PRIM2: variants seen among roughly 807,000 people sequenced by gnomAD.
The protein encoded by PRIM2 is DNA primase subunit 2, also known as DNA primase large subunit.
PRIM2 carries 39 observed loss-of-function variants against 67.3 expected under a neutral mutation model. The ratio of observed to expected loss-of-function variants is 0.58; its 90% CI spans 0.45 to 0.76. PRIM2 has a LOEUF of 0.76. Ranked by LOEUF, PRIM2 falls within the 30% of genes least tolerant of loss-of-function variation. The probability of loss-of-function intolerance (pLI) is 0.00; values close to 1 mark genes in which losing one functional copy is unlikely to be tolerated. For synonymous variants in PRIM2, 143 were observed against 198.7 expected, an observed-to-expected ratio of 0.72 and a Z score of 2.36; for missense variants, 398 against 598.7, an observed-to-expected ratio of 0.66 and a Z score of 3.50.
At position 57,327,041 on chromosome 6, in the gene PRIM2, C is replaced by T. The variant is rs550897676; in HGVS notation, c.459+996C>T. 3.2e-4 allele frequency among the ~76,000 whole-genome samples: 48 copies of T among 151,880 alleles called. 1 individual carries two copies. Among genetic ancestry groups the T allele is most frequent in the South Asian group, 1.5e-3 (7 of 4,802 alleles). On this transcript the variant is annotated intron_variant, in intron 5 of 13. Transcript: ENST00000615550. ...GCCTCAGCCTCCTGAGTAGCTGTGACTACAGGTGTGTGCCACCATGCCTGG... is the reference window on the plus strand; with the variant it reads ...GCCTCAGCCTCCTGAGTAGCTGTGATTACAGGTGTGTGCCACCATGCCTGG...
At chr6:57,575,687 T>C (rs1244630493) in intron 10 of PRIM2, among the ~76,000 whole-genome samples, 104 of 152,328 alleles carry the variant, frequency 6.8e-4, no homozygotes, top group African/African-American at 2.5e-3. Context: ...AGTTTTAATA[T>C]TCAGTTTAAT....
At chr6:57,245,182 C>A in the PRIM2 span, among the ~76,000 whole-genome samples, 9 of 152,248 alleles carry the variant, frequency 5.9e-5, no homozygotes, top group Non-Finnish European at 1.2e-4. Context: ...CAGGATGGTC[C>A]CAAGGCATGT....
At chr6:57,236,055 C>T in the PRIM2 span, among the ~76,000 whole-genome samples, 1 of 152,134 alleles carries the variant, frequency 6.6e-6, no homozygotes, top group Non-Finnish European at 1.5e-5. Flanking sequence ...TTTGTGTTGT[C>T]TTAGAGCACT....
chr6:57,469,445 A>G (rs1773285370), intron 7 of PRIM2, among the ~76,000 whole-genome samples: 1 of 152,184 alleles, frequency 6.6e-6, no homozygotes, highest in Non-Finnish European at 1.5e-5. Flanking sequence ...GGAAAATTGA[A>G]CCCTTGATAT....
chr6:57,332,265 G>A (rs1463712095), intron 5 of PRIM2, among the ~76,000 whole-genome samples: 1 of 151,874 alleles, frequency 6.6e-6, no homozygotes, highest in Non-Finnish European at 1.5e-5. Context: ...AAAATTTATT[G>A]AATTTTATTT....
chr6:57,236,922 T>C, the PRIM2 span, among the ~76,000 whole-genome samples: 1 of 151,986 alleles, frequency 6.6e-6, no homozygotes, highest in African/African-American at 2.4e-5. Context: ...ATCCTTTGGG[T>C]AAATACCAGT....
chr6:57,574,675 C>T lies in PRIM2; in HGVS notation c.1021-26418C>T, dbSNP rs1341518811. Among the ~76,000 whole-genome samples, 15 of 150,536 alleles carry T rather than the reference C, an allele frequency of 1.0e-4. No homozygotes were observed. In the East Asian group the frequency reaches 2.5e-3, roughly 25 times the overall value. ...AGCCAGGAAAGAGGGAGACTGAGAC[C>T]GTTGGGGTCTGAAAAGGAGCAAGGA... On this transcript the variant is annotated intron_variant, in intron 10 of 13. Transcript: ENST00000615550.
rs1376293072 is a variant in PRIM2 at position 57,605,413 on chromosome 6, T to A, written c.1148-962T>A. ...TGAATCTACCTGGTCCAGGGCTTTT[T>A]CTGGTTGATAGGTTTTTTATTCCAG... is the stretch of plus-strand genomic sequence containing the variant. On this transcript the variant is annotated intron_variant, in intron 11 of 13. Coordinates refer to ENST00000615550, the MANE Select transcript of PRIM2 (RefSeq NM_000947.5). 1.8e-4 allele frequency among the ~76,000 whole-genome samples: 27 copies of A among 152,302 alleles called. No individual in the cohort carries two copies. The South Asian group carries it at 5.0e-3, about 28-fold the overall frequency.
chr6:57,466,479 A>G (rs549189006), intron 7 of PRIM2, among the ~76,000 whole-genome samples: 1 of 152,186 alleles, frequency 6.6e-6, no homozygotes, highest in Non-Finnish European at 1.5e-5. Flanking sequence ...CCTCTCCAGC[A>G]TCTGTTGTTT....
At chr6:57,612,861 C>T in intron 12 of PRIM2, among the ~76,000 whole-genome samples, 1 of 141,734 alleles carries the variant, frequency 7.1e-6, no homozygotes, top group East Asian at 2.1e-4. Context: ...GTAGTGTGAT[C>T]ATATCTTATT....
At chr6:57,270,346 T>C in the PRIM2 span, among the ~76,000 whole-genome samples, 6 of 152,278 alleles carry the variant, frequency 3.9e-5, no homozygotes, top group East Asian at 5.8e-4. Context: ...AGGTCCTTCA[T>C]GTCCCTTGTA....
chr6:57,489,558 C>CA (rs1773838957), intron 7 of PRIM2, among the ~76,000 whole-genome samples: 1 of 143,156 alleles, frequency 7.0e-6, no homozygotes, highest in Non-Finnish European at 1.5e-5. Context: ...CCCCCGTCTC[C>CA]AGAAAAAAGA....
At chr6:57,464,896 C>G (rs1390812602) in intron 7 of PRIM2, among the ~76,000 whole-genome samples, 6 of 152,158 alleles carry the variant, frequency 3.9e-5, no homozygotes, top group African/African-American at 1.2e-4. Context: ...GGTACTATTA[C>G]CGTCCCTCTT....
At chr6:57,624,961 T>G (rs1430979128) in intron 12 of PRIM2, among the ~76,000 whole-genome samples, 1 of 152,056 alleles carries the variant, frequency 6.6e-6, no homozygotes, top group Non-Finnish European at 1.5e-5. Context: ...GACAATGAGA[T>G]CCAAGTGAAA....
chr6:57,474,348 G>GTT (rs1399436131), intron 7 of PRIM2, among the ~76,000 whole-genome samples: 2 of 151,260 alleles, frequency 1.3e-5, no homozygotes, highest in African/African-American at 4.9e-5. Context: ...CTAATTTTTT[G>GTT]TTTTTTTAGT....
At chr6:57,636,157 A>G (rs1459876617) in intron 13 of PRIM2, among the ~76,000 whole-genome samples, 2 of 152,150 alleles carry the variant, frequency 1.3e-5, no homozygotes, top group African/African-American at 2.4e-5. Context: ...ATCATCAACC[A>G]CAAAGAAAAA....
the PRIM2 span, among the ~76,000 whole-genome samples, chr6:57,254,724 G>GC: frequency 6.6e-6 from 1 of 151,316 alleles, no homozygotes; most frequent in African/African-American, 2.4e-5. Context: ...GTTTATTGGG[G>GC]GTCTGAAGAA....
intron 3 of PRIM2, among the ~76,000 whole-genome samples, chr6:57,323,247 T>G (rs1767722645): frequency 6.6e-6 from 1 of 152,182 alleles, no homozygotes; most frequent in Non-Finnish European, 1.5e-5. Context: ...ATTTTCCAAA[T>G]TCCCATAGTT....
intron 10 of PRIM2, among the ~76,000 whole-genome samples, chr6:57,589,154 A>G (rs1376928597): frequency 1.1e-4 from 17 of 152,212 alleles, no homozygotes; most frequent in Non-Finnish European, 2.5e-4. Context: ...ACCAACAGGC[A>G]GATAAGTTGA....
Sources: gnomAD v4.1 joint callset for allele counts (sites outside exome capture counted in the v4.1 genomes callset) on GRCh38, gnomAD v4.1.1 for gene constraint, MANE v1.5 for transcripts, NCBI Gene and HGNC (gene_info 2026-07-23, HGNC 2026-07-21) for gene names.